NRG3: variants seen among roughly 807,000 people sequenced by gnomAD.
NRG3 encodes neuregulin 3.
A neutral mutation model predicts 66.9 loss-of-function variants in NRG3; 31 were observed. That is an observed-to-expected ratio of 0.46 (90% CI 0.35 to 0.63). The LOEUF (loss-of-function observed/expected upper bound fraction) is 0.63, where lower values mean the gene tolerates loss of function less well. Among genes scored for constraint, NRG3 ranks in the 20% least tolerant of loss-of-function variants. NRG3 has a pLI of 0.00. For missense variants in NRG3, 910 were observed against 878.9 expected, an observed-to-expected ratio of 1.04 and a Z score of -0.45; for synonymous variants, 393 against 359.4, an observed-to-expected ratio of 1.09 and a Z score of -1.06.
intron 7 of NRG3, 70 bp from the exon 8 acceptor site, chr10:82,978,880 G>A (rs1348169538): frequency 1.3e-6 from 2 of 1,495,044 alleles, no homozygotes; most frequent in Non-Finnish European, 9.1e-7. Context: ...AGCTTGAGCA[G>A]CCACCTGTGA....
chr10:81,955,150 T>C (rs1185989993), intron 1 of NRG3, among the ~76,000 whole-genome samples: 1 of 148,092 alleles, frequency 6.8e-6, no homozygotes, highest in Non-Finnish European at 1.5e-5. Context: ...ATATGTTATA[T>C]AGAATATATA....
chr10:82,914,389 G>A (rs936321716), intron 4 of NRG3, among the ~76,000 whole-genome samples: 1 of 151,980 alleles, frequency 6.6e-6, no homozygotes, highest in East Asian at 1.9e-4. Context: ...GACATATTAG[G>A]TAAAAGGGAT....
At chr10:82,285,897 C>A (rs1230828587) in intron 1 of NRG3, among the ~76,000 whole-genome samples, 1 of 152,150 alleles carries the variant, frequency 6.6e-6, no homozygotes, top group Non-Finnish European at 1.5e-5. Flanking sequence ...AGTTTATTTA[C>A]ATGGAAGGGG....
chr10:82,721,133 T>C (rs2134507550), intron 2 of NRG3, among the ~76,000 whole-genome samples: 1 of 108,790 alleles, frequency 9.2e-6, no homozygotes, highest in Non-Finnish European at 1.9e-5. Flanking sequence ...CTTTTTTTTT[T>C]TTTTTTTTTT....
In NRG3 at chr10:82,489,671, A is replaced by G. The variant is rs922097540; in HGVS notation, c.953+130803A>G. Among the ~76,000 whole-genome samples the G allele has an allele frequency of 3.9e-5, 6 of 152,348 alleles. No individual in the cohort carries two copies. In the South Asian group the frequency reaches 1.2e-3, roughly 32 times the overall value. On this transcript the variant is annotated intron_variant, in intron 2 of 8. Transcript: ENST00000372141. Reference sequence around the variant, plus strand: ...ATTTTAGAGAATTTGGATCTTTGAGACATGGTAGAGCAAACAAAACAAATG... The same window carrying G: ...ATTTTAGAGAATTTGGATCTTTGAGGCATGGTAGAGCAAACAAAACAAATG...
chr10:82,753,615 C>G (rs1181338721), intron 3 of NRG3, among the ~76,000 whole-genome samples: 1 of 149,958 alleles, frequency 6.7e-6, no homozygotes, highest in East Asian at 2.0e-4. Flanking sequence ...TAGAATAATT[C>G]ATTTTTTACC....
chr10:81,987,013 TA>T (rs989313107), intron 1 of NRG3, among the ~76,000 whole-genome samples: 3 of 152,098 alleles, frequency 2.0e-5, no homozygotes, highest in Non-Finnish European at 2.9e-5. Context: ...ATTGTGTGTT[TA>T]AAAAAATAGC....
At chr10:82,189,683 G>C (rs2074019721) in intron 1 of NRG3, among the ~76,000 whole-genome samples, 1 of 152,066 alleles carries the variant, frequency 6.6e-6, no homozygotes, top group Admixed American at 6.6e-5. Flanking sequence ...CCAGCTACTT[G>C]GGAGGCTTAG....
chr10:82,272,551 G>A (rs920087172), intron 1 of NRG3, among the ~76,000 whole-genome samples: 2 of 151,956 alleles, frequency 1.3e-5, no homozygotes, highest in Non-Finnish European at 2.9e-5. Flanking sequence ...TAGATGAAGT[G>A]GATACTCACC....
chr10:82,128,338 C>T (rs542509603), intron 1 of NRG3, among the ~76,000 whole-genome samples: 1 of 152,082 alleles, frequency 6.6e-6, no homozygotes, highest in African/African-American at 2.4e-5. Flanking sequence ...AGAGATCTCA[C>T]CTTAAAAATG....
In NRG3 at chr10:82,100,136, C is replaced by A. The variant is rs560522071; in HGVS notation, c.823+223973C>A. ...ATTTTTGCACATTTTTTATTTGATA[C>A]ACTAGAATTCAATTTTAATGGAATA... On this transcript the variant is annotated intron_variant, in intron 1 of 8. Coordinates refer to ENST00000372141, the MANE Select transcript of NRG3 (RefSeq NM_001010848.4). 7.9e-5 allele frequency among the ~76,000 whole-genome samples: 12 copies of A among 152,040 alleles called. No homozygotes were observed. In the South Asian group the frequency reaches 2.5e-3, roughly 32 times the overall value.
chr10:82,543,350 CAT>C (rs1227521038), intron 2 of NRG3, among the ~76,000 whole-genome samples: 1 of 152,058 alleles, frequency 6.6e-6, no homozygotes, highest in Non-Finnish European at 1.5e-5. Flanking sequence ...GATGGGGCAT[CAT>C]GTCAACACAC....
intron 1 of NRG3, among the ~76,000 whole-genome samples, chr10:81,938,989 T>A (rs2133076170): frequency 6.6e-6 from 1 of 152,196 alleles, no homozygotes; most frequent in African/African-American, 2.4e-5. Flanking sequence ...TTTTGTCAAA[T>A]TCTTTTACTG....
intron 3 of NRG3, among the ~76,000 whole-genome samples, chr10:82,749,396 A>C (rs373086523): frequency 2.0e-5 from 3 of 151,924 alleles, no homozygotes; most frequent in African/African-American, 7.3e-5. Context: ...AGAAGGTGTA[A>C]AGCCCAGGAC....
intron 3 of NRG3, among the ~76,000 whole-genome samples, chr10:82,820,378 C>A (rs7097459): frequency 0.059 from 9,047 of 152,222 alleles, 483 homozygotes; most frequent in African/African-American, 0.15. Context: ...CCTTTTCCTT[C>A]TCTTTATATT....
chr10:82,848,136 T>G (rs1049067401), intron 3 of NRG3, among the ~76,000 whole-genome samples: 1 of 152,206 alleles, frequency 6.6e-6, no homozygotes, highest in Non-Finnish European at 1.5e-5. Context: ...TAAAAAATAT[T>G]TGTTGAGCAC....
intron 3 of NRG3, among the ~76,000 whole-genome samples, chr10:82,792,905 T>C (rs1245635222): frequency 6.6e-6 from 1 of 152,070 alleles, no homozygotes; most frequent in Non-Finnish European, 1.5e-5. Flanking sequence ...TGGTCCGAAC[T>C]CCCAACCTCA....
chr10:82,752,307 C>T (rs565236789), intron 3 of NRG3, among the ~76,000 whole-genome samples: 1 of 152,076 alleles, frequency 6.6e-6, no homozygotes, highest in African/African-American at 2.4e-5. Flanking sequence ...CTACCCTTAT[C>T]CCCCATTTAC....
At chr10:82,171,173 G>C (rs1246875937) in intron 1 of NRG3, among the ~76,000 whole-genome samples, 4 of 151,988 alleles carry the variant, frequency 2.6e-5, no homozygotes, top group Non-Finnish European at 5.9e-5. Flanking sequence ...AAAAATAGAA[G>C]TCCCATTTTT....
Sources: gnomAD v4.1 joint callset for allele counts (sites outside exome capture counted in the v4.1 genomes callset) on GRCh38, gnomAD v4.1.1 for gene constraint, MANE v1.5 for transcripts, NCBI Gene and HGNC (gene_info 2026-07-23, HGNC 2026-07-21) for gene names.